The following RHPN2 variants were observed in gnomAD, a reference collection of about 807,000 sequenced individuals.
RHPN2 encodes the protein rhophilin-2.
A neutral mutation model predicts 79.0 loss-of-function variants in RHPN2; 40 were observed. That is an observed-to-expected ratio of 0.51 (90% CI 0.39 to 0.66). RHPN2 has a LOEUF of 0.66. RHPN2 is among the 30% of genes least tolerant of loss of function. The pLI, the probability that RHPN2 is intolerant of heterozygous loss-of-function variation, is 0.00. For missense variants in RHPN2, 686 were observed against 883.5 expected, an observed-to-expected ratio of 0.78 and a Z score of 2.83; for synonymous variants, 285 against 363.5, an observed-to-expected ratio of 0.78 and a Z score of 2.46.
intron 2 of RHPN2, among the ~76,000 whole-genome samples, chr19:33,029,103 G>A (rs528142560): frequency 2.2e-4 from 34 of 151,840 alleles, no homozygotes; most frequent in South Asian, 6.2e-4. Context: ...TCGCGCCACC[G>A]CACTCCAGCC....
At chr19:32,981,820 G>C (rs1971577774) in intron 14 of RHPN2, among the ~76,000 whole-genome samples, 1 of 145,326 alleles carries the variant, frequency 6.9e-6, no homozygotes, top group South Asian at 2.1e-4. Context: ...ACATCATTAT[G>C]CTCCACTGCC....
At chr19:33,012,233 G>C (rs184587773) in intron 5 of RHPN2, among the ~76,000 whole-genome samples, 1 of 152,102 alleles carries the variant, frequency 6.6e-6, no homozygotes, top group South Asian at 2.1e-4. Flanking sequence ...GTAGAAACAG[G>C]GTTTTGCCAT....
At chr19:32,993,781 C>T (rs1428714482) in intron 12 of RHPN2, among the ~76,000 whole-genome samples, 196 bp downstream of exon 12, 2 of 152,142 alleles carry the variant, frequency 1.3e-5, no homozygotes, top group African/African-American at 2.4e-5. Flanking sequence ...CATGGGCCTT[C>T]AGCAGATACC....
intron 2 of RHPN2, among the ~76,000 whole-genome samples, chr19:33,029,413 C>G (rs1971992552): frequency 6.6e-6 from 1 of 151,572 alleles, no homozygotes; most frequent in Non-Finnish European, 1.5e-5. Context: ...GTAGTCCCAG[C>G]TACTCGGGGG....
At chr19:32,985,977 AAAG>A (rs1348038342) in intron 14 of RHPN2, among the ~76,000 whole-genome samples, 1 of 152,226 alleles carries the variant, frequency 6.6e-6, no homozygotes, top group African/African-American at 2.4e-5. Context: ...TGCTAGGTGA[AAAG>A]AATAAACATC....
intron 2 of RHPN2, among the ~76,000 whole-genome samples, chr19:33,042,629 G>C (rs543081842): frequency 6.6e-6 from 1 of 152,144 alleles, no homozygotes; most frequent in Admixed American, 6.5e-5. Context: ...CAGGTATTCC[G>C]TGAGTAACAA....
At chr19:32,991,752 G>A in intron 13 of RHPN2, 71 bp downstream of exon 13, 1 of 1,601,746 alleles carries the variant, frequency 6.2e-7, no homozygotes, top group South Asian at 1.1e-5. Context: ...CTTTGACATG[G>A]GTGAACCCAC....
Position 33,029,876 on chromosome 19 carries a change from C to T in RHPN2, c.186-3244G>A, listed in dbSNP as rs376719303. On this transcript the variant is annotated intron_variant, in intron 2 of 14. Coordinates refer to ENST00000254260, the MANE Select transcript of RHPN2 (RefSeq NM_033103.5). ...CCTCTCCCAGTGGAATCCCACAGAC[C>T]GTGCTTAACTCCCCCAGCAAAGAGT... is the stretch of plus-strand genomic sequence containing the variant. 1.2e-3 allele frequency among the ~76,000 whole-genome samples: 177 copies of T among 152,252 alleles called. 2 individuals carry two copies. Among genetic ancestry groups the T allele is most frequent in the Admixed American group, 9.2e-4 (14 of 15,280 alleles).
intron 9 of RHPN2, 133 bp downstream of exon 9, chr19:33,002,114 G>T: frequency 2.7e-6 from 3 of 1,129,934 alleles, no homozygotes; most frequent in Admixed American, 4.0e-5. Flanking sequence ...CTCAGTCATG[G>T]GTCACTCCCA....
chr19:33,017,153 T>C (rs973915813), intron 4 of RHPN2, among the ~76,000 whole-genome samples: 1 of 151,722 alleles, frequency 6.6e-6, no homozygotes, highest in Non-Finnish European at 1.5e-5. Context: ...CTGAGGCGGG[T>C]GGATCATCTG....
At chr19:33,045,344 C>T (rs1475235369) in intron 1 of RHPN2, among the ~76,000 whole-genome samples, 1 of 152,080 alleles carries the variant, frequency 6.6e-6, no homozygotes, top group Non-Finnish European at 1.5e-5. Flanking sequence ...TGAGCCACTG[C>T]GCCTGGCCTA....
At chr19:32,996,762 C>T (rs889130574) in intron 10 of RHPN2, among the ~76,000 whole-genome samples, 3 of 151,908 alleles carry the variant, frequency 2.0e-5, no homozygotes, top group South Asian at 2.1e-4. Flanking sequence ...TCTTCGGGCC[C>T]GAGAGAATTT....
chr19:33,011,682 G>C lies in RHPN2; in HGVS notation c.590C>G (p.Thr197Ser), dbSNP rs2145238101. ...PPTRQMGLLF[T>S]WYDSLTGVPV... ...AGCGCAGACCTCAAGCACCTACCAGGTGAACAGGAGTCCCATCTGCCGTGT... is the reference window on the plus strand; with the variant it reads ...AGCGCAGACCTCAAGCACCTACCAGCTGAACAGGAGTCCCATCTGCCGTGT... Residue 197 changes from threonine (T) to serine (S), a missense_variant, in exon 6 of 15, where the codon ACC (threonine) becomes AGC (serine). Physicochemically the swap from Thr to Ser is moderately conservative, Grantham distance 58. Transcript: ENST00000254260. 6.2e-7 allele frequency: 1 copy of C among 1,613,970 alleles called. No individual in the cohort carries two copies. The highest frequency in any genetic ancestry group is 2.2e-5 in the East Asian group (1 of 44,872).
chr19:33,034,733 A>T (rs1438109563), intron 2 of RHPN2, among the ~76,000 whole-genome samples: 2 of 145,794 alleles, frequency 1.4e-5, no homozygotes, highest in Non-Finnish European at 3.0e-5. Flanking sequence ...GTGAGCCAAG[A>T]TCATCACACC....
At chr19:33,036,821 C>A (rs1972060442) in intron 2 of RHPN2, among the ~76,000 whole-genome samples, 1 of 152,154 alleles carries the variant, frequency 6.6e-6, no homozygotes, top group African/African-American at 2.4e-5. Flanking sequence ...CTGGCCTTAG[C>A]TGCCTTCCCG....
intron 4 of RHPN2, among the ~76,000 whole-genome samples, chr19:33,019,596 A>C (rs1224578286): frequency 6.7e-6 from 1 of 148,664 alleles, no homozygotes; most frequent in Non-Finnish European, 1.5e-5. Context: ...AAAGAAAGAA[A>C]GAAAGAAAAA....
At chr19:33,026,898 G>C (rs1202258121) in intron 2 of RHPN2, 8 of 405,740 alleles carry the variant, frequency 2.0e-5, no homozygotes, top group South Asian at 1.7e-4. Context: ...TCAGTCTTGA[G>C]AAGAGAAAAC....
At chr19:33,045,197 G>A (rs1972132784) in intron 1 of RHPN2, among the ~76,000 whole-genome samples, 1 of 151,652 alleles carries the variant, frequency 6.6e-6, no homozygotes, top group South Asian at 2.1e-4. Flanking sequence ...GACTACAGGT[G>A]CATGTCACCA....
In RHPN2 at chr19:33,063,706, C is replaced by T. The variant is rs143973628; in HGVS notation, c.69+1078G>A. The stretch of plus-strand genomic sequence containing the variant: ...TGCGGGTATCCCAGGGCCCCTGCTC[C>T]ACAGGCTGGGGTCGCTTTTGAGGGA... On this transcript the variant is annotated intron_variant, in intron 1 of 14. Transcript: ENST00000254260. 1.4e-3 allele frequency among the ~76,000 whole-genome samples: 217 copies of T among 152,176 alleles called. 5 individuals are homozygous for T. In the East Asian group the frequency reaches 0.038, roughly 27 times the overall value.
Sources: allele counts gnomAD v4.1 joint callset (sites outside exome capture counted in the v4.1 genomes callset), GRCh38; gene constraint gnomAD v4.1.1; transcripts MANE v1.5; gene names NCBI Gene and HGNC (gene_info 2026-07-23, HGNC 2026-07-21).